The following DMD variants were observed in gnomAD, a reference collection of about 807,000 sequenced individuals.
The protein encoded by DMD is dystrophin.
In DMD, 63 loss-of-function variants were observed where a neutral mutation model predicts 330.1. That is an observed-to-expected ratio of 0.19 (90% CI 0.16 to 0.24). The LOEUF (loss-of-function observed/expected upper bound fraction) is 0.24. DMD is among the 10% of genes least tolerant of loss of function. The pLI, the probability that DMD is intolerant of heterozygous loss-of-function variation, is 1.00. For synonymous variants in DMD, 1,223 were observed against 959.8 expected, an observed-to-expected ratio of 1.27 and a Z score of -5.07; for missense variants, 3,344 against 2,684.1, an observed-to-expected ratio of 1.25 and a Z score of -5.43.
chrX:33,056,522 G>A (rs752761853), intron 1 of DMD, among the ~76,000 whole-genome samples: 6 of 108,984 alleles, frequency 5.5e-5, no homozygotes, highest in Non-Finnish European at 1.1e-4. Context: ...CACCATGCCC[G>A]GCTAATTTTT....
At chrX:31,710,819 G>A (rs73617100) in intron 52 of DMD, among the ~76,000 whole-genome samples, 3,011 of 111,145 alleles carry the variant, frequency 0.027, 103 homozygotes, top group African/African-American at 0.089. Context: ...TTAAATCTAC[G>A]ACAACTCTGC....
chrX:32,723,740 G>T (rs1298535572), intron 7 of DMD, among the ~76,000 whole-genome samples: 1 of 110,744 alleles, frequency 9.0e-6, no homozygotes, highest in African/African-American at 3.3e-5. Flanking sequence ...ATTTCATTAT[G>T]TCTATGTATA....
rs1429983365 is a variant in DMD, at chrX:32,472,225, G to A, written c.2888C>T (p.Ser963Phe). The change falls in exon 22 of 79, where the codon TCC (serine) becomes TTC (phenylalanine). Residue 963 changes from serine (S) to phenylalanine (F), a missense_variant. Physicochemically the swap from Ser to Phe is radical, Grantham distance 155. Transcript: ENST00000357033. Reference protein sequence around the residue: ...TWVQQSETKLSIPQLSVTDYE... With the variant: ...TWVQQSETKLFIPQLSVTDYE... ...GTCGGTGACACTAAGTTGAGGTATG[G>A]AGAGTTTGGTTTCTGACTGCTGGAC... 1.7e-6 allele frequency: 2 copies of A among 1,210,912 alleles called. No homozygotes were observed. Among genetic ancestry groups the A allele is most frequent in the East Asian group, 3.0e-5 (1 of 33,818 alleles).
chrX:31,755,805 G>A (rs1054637805), intron 51 of DMD, among the ~76,000 whole-genome samples: 6 of 111,559 alleles, frequency 5.4e-5, no homozygotes, highest in Non-Finnish European at 1.1e-4. Context: ...TAAAGATTGT[G>A]TTATTTTTTG....
intron 1 of DMD, among the ~76,000 whole-genome samples, chrX:33,173,259 T>A (rs2049457139): frequency 9.0e-6 from 1 of 111,640 alleles, no homozygotes; most frequent in Admixed American, 9.6e-5. Context: ...TGAGTATAGA[T>A]TCTGTGTTTA....
chrX:32,729,540 T>C (rs1433328928), intron 7 of DMD, among the ~76,000 whole-genome samples: 1 of 111,602 alleles, frequency 9.0e-6, no homozygotes, highest in Admixed American at 9.6e-5. Flanking sequence ...TATTATATGC[T>C]TCAATGTCTT....
chrX:33,253,898 T>A (rs772394371), intron 1 of DMD, among the ~76,000 whole-genome samples: 4 of 111,186 alleles, frequency 3.6e-5, no homozygotes, highest in Non-Finnish European at 7.6e-5. Flanking sequence ...AATCCCATCA[T>A]TAATTAGCAA....
rs1193250594 is a variant in DMD at position 31,690,785 on chromosome X, A to G, written c.7661-11199T>C. Among the ~76,000 whole-genome samples, 3 of 111,916 alleles carry G rather than the reference A, an allele frequency of 2.7e-5. No individual in the cohort carries two copies. The East Asian group carries it at 8.4e-4, about 31-fold the overall frequency. On this transcript the variant is annotated intron_variant, in intron 52 of 78. Transcript: ENST00000357033. The stretch of plus-strand genomic sequence containing the variant: ...CATATACACCATGGAATACTATGCA[A>G]CCATAAAAAAGGATGAGTTCACATC...
chrX:32,511,655 T>A (rs1282657028), intron 18 of DMD, among the ~76,000 whole-genome samples: 2 of 108,581 alleles, frequency 1.8e-5, no homozygotes, highest in Admixed American at 2.0e-4. Flanking sequence ...TTCATAAAAA[T>A]ACCTCTGCCC....
At chrX:33,326,794 A>C (rs2054095080) in intron 1 of DMD, among the ~76,000 whole-genome samples, 1 of 111,704 alleles carries the variant, frequency 9.0e-6, no homozygotes. Flanking sequence ...AGGAAGGTAC[A>C]TTAGGAAGCT....
intron 21 of DMD, among the ~76,000 whole-genome samples, chrX:32,482,617 G>C (rs760380869): frequency 9.0e-6 from 1 of 111,491 alleles, no homozygotes; most frequent in South Asian, 3.8e-4. Flanking sequence ...GGACATTCGT[G>C]TATACGATCT....
rs369890820 is a variant in DMD at position 32,670,664 on chromosome X, T to A, written c.961-25512A>T. Among the ~76,000 whole-genome samples the A allele has an allele frequency of 4.4e-5, 5 of 112,390 alleles. No individual in the cohort carries two copies. In the East Asian group the frequency reaches 1.4e-3, roughly 31 times the overall value. ...GTGACGATTTTTGCAAACCTTGTTCTATTTGGAATTTTAAGAAAGTAAGCA... is the reference window on the plus strand; with the variant it reads ...GTGACGATTTTTGCAAACCTTGTTCAATTTGGAATTTTAAGAAAGTAAGCA... On this transcript the variant is annotated intron_variant, in intron 9 of 78. Transcript: ENST00000357033.
At chrX:32,698,138 A>G (rs2063792375) in intron 8 of DMD, 140 bp from the exon 9 acceptor site, 1 of 656,186 alleles carries the variant, frequency 1.5e-6, no homozygotes, top group East Asian at 3.6e-5. Flanking sequence ...CTAAACATAT[A>G]TAAATGATAT....
intron 11 of DMD, among the ~76,000 whole-genome samples, chrX:32,636,981 G>GA: frequency 9.1e-6 from 1 of 109,537 alleles, no homozygotes; most frequent in Non-Finnish European, 1.9e-5. Flanking sequence ...CTGGGAGACA[G>GA]GGAGACTCTG....
Position 32,402,380 on chromosome X carries a change from T to A in DMD, c.4233+9372A>T, listed in dbSNP as rs1057066059. On this transcript the variant is annotated intron_variant, in intron 30 of 78. Coordinates refer to ENST00000357033, the MANE Select transcript of DMD (RefSeq NM_004006.3). ...CCATAAAATTTTCATTTTAAACATA[T>A]AGTCAATGAACAATAGGAAATTTAT... is the stretch of plus-strand genomic sequence containing the variant. Among the ~76,000 whole-genome samples the A allele has an allele frequency of 5.4e-5, 6 of 111,491 alleles. No homozygotes were observed. In the Admixed American group the frequency reaches 5.7e-4, roughly 11 times the overall value.
At chrX:31,710,727 G>C (rs2084564198) in intron 52 of DMD, among the ~76,000 whole-genome samples, 1 of 111,302 alleles carries the variant, frequency 9.0e-6, no homozygotes, top group Admixed American at 9.6e-5. Context: ...TGTGTAGCAT[G>C]AATCAGTCTC....
chrX:31,177,618 C>A (rs2040657500), intron 71 of DMD, among the ~76,000 whole-genome samples: 1 of 110,721 alleles, frequency 9.0e-6, no homozygotes, highest in Admixed American at 9.7e-5. Context: ...ATAAACATGT[C>A]TCCCAGGAAT....
At chrX:31,323,536 T>C (rs1774252523) in intron 62 of DMD, 62 bp downstream of exon 62, 2 of 981,791 alleles carry the variant, frequency 2.0e-6, no homozygotes, top group Non-Finnish European at 2.9e-6. Flanking sequence ...ATAAACTCAC[T>C]TGTGAATATA....
At chrX:32,755,334 C>T (rs190935497) in intron 7 of DMD, among the ~76,000 whole-genome samples, 8 of 110,191 alleles carry the variant, frequency 7.3e-5, no homozygotes, top group East Asian at 2.9e-4. Context: ...ACACAAAAAA[C>T]GGAACATGAC....
Sources: allele counts gnomAD v4.1 joint callset (sites outside exome capture counted in the v4.1 genomes callset), GRCh38; gene constraint gnomAD v4.1.1; transcripts MANE v1.5; gene names NCBI Gene and HGNC (gene_info 2026-07-23, HGNC 2026-07-21).